MRTFA: variants seen among roughly 807,000 people sequenced by gnomAD.
The protein encoded by MRTFA is myocardin-related transcription factor A.
In MRTFA, 20 loss-of-function variants were observed where a neutral mutation model predicts 83.5. The observed-to-expected ratio is 0.24, with a 90% CI of 0.17 to 0.35. The LOEUF (loss-of-function observed/expected upper bound fraction) is 0.35, where lower values mean the gene tolerates loss of function less well. Ranked by LOEUF, MRTFA falls within the 10% of genes least tolerant of loss-of-function variation. The probability of loss-of-function intolerance (pLI) is 1.00; values close to 1 mark genes in which losing one functional copy is unlikely to be tolerated. For missense variants in MRTFA, 1,200 were observed against 1,224.7 expected, an observed-to-expected ratio of 0.98 and a Z score of 0.30; for synonymous variants, 659 against 541.2, an observed-to-expected ratio of 1.22 and a Z score of -3.02.
At chr22:40,620,204 C>G (rs2056505098) in intron 1 of MRTFA, among the ~76,000 whole-genome samples, 1 of 151,202 alleles carries the variant, frequency 6.6e-6, no homozygotes, top group Admixed American at 6.6e-5. Context: ...CAGCTCACCA[C>G]AACCTCCACC....
intron 3 of MRTFA, among the ~76,000 whole-genome samples, chr22:40,511,319 G>T (rs1209742615): frequency 6.6e-6 from 1 of 152,158 alleles, no homozygotes; most frequent in Non-Finnish European, 1.5e-5. Flanking sequence ...TCTGGCTAGG[G>T]CAACTGGCAC....
Position 40,496,090 on chromosome 22 carries a change from T to C in MRTFA, c.242-32804A>G, listed in dbSNP as rs573998217. Among the ~76,000 whole-genome samples, 26 of 151,184 alleles carry C rather than the reference T, an allele frequency of 1.7e-4. No individual in the cohort carries two copies. In the South Asian group the frequency reaches 5.4e-3, roughly 32 times the overall value. ...CAGAAAAAAAAAAATAAATTAATAA[T>C]AATAATAATAATAATAAGGCTCTAC... On this transcript the variant is annotated intron_variant, in intron 3 of 14. Coordinates refer to ENST00000355630, the MANE Select transcript of MRTFA (RefSeq NM_020831.6).
At chr22:40,444,332 A>G (rs1314875232) in intron 4 of MRTFA, among the ~76,000 whole-genome samples, 1 of 152,164 alleles carries the variant, frequency 6.6e-6, no homozygotes, top group Non-Finnish European at 1.5e-5. Context: ...AAAAAATCTA[A>G]CATTGTGTCA....
chr22:40,509,462 A>G (rs540872478), intron 3 of MRTFA, among the ~76,000 whole-genome samples: 1 of 152,348 alleles, frequency 6.6e-6, no homozygotes, highest in African/African-American at 2.4e-5. Context: ...TTCTCCCCAT[A>G]GCCGAAAGAG....
intron 3 of MRTFA, among the ~76,000 whole-genome samples, chr22:40,510,267 G>A (rs902835758): frequency 6.6e-6 from 1 of 152,016 alleles, no homozygotes; most frequent in Non-Finnish European, 1.5e-5. Flanking sequence ...AGCAAATCAT[G>A]ATTCAGGATT....
rs2052530804 is a variant in MRTFA at position 40,411,394 on chromosome 22, A to C, written c.3092T>G (p.Leu1031Trp). The C allele has an allele frequency of 6.4e-7, 1 of 1,553,268 alleles. No homozygotes were observed. The highest frequency in any genetic ancestry group is 8.8e-7 in the Non-Finnish European group (1 of 1,141,666). Reference sequence around the variant, plus strand: ...ACCCCGTCTTGAGCCAGAGAGCTACAAGCAGGAATCCCAGTGCAGCTGCAA... The same window carrying C: ...ACCCCGTCTTGAGCCAGAGAGCTACCAGCAGGAATCCCAGTGCAGCTGCAA... The change falls in exon 15 of 15, where the codon TTG becomes TGG. Residue 1031 changes from leucine to tryptophan, a missense_variant. Physicochemically the swap from Leu to Trp is moderately conservative, Grantham distance 61. Coordinates refer to ENST00000355630, the MANE Select transcript of MRTFA (RefSeq NM_020831.6).
At chr22:40,480,348 C>T (rs1325680210) in intron 3 of MRTFA, among the ~76,000 whole-genome samples, 1 of 151,878 alleles carries the variant, frequency 6.6e-6, no homozygotes, top group Non-Finnish European at 1.5e-5. Flanking sequence ...TCCTGGCCTC[C>T]AGTTATCCTC....
chr22:40,464,881 T>C (rs1418693216), intron 3 of MRTFA, among the ~76,000 whole-genome samples: 3 of 152,176 alleles, frequency 2.0e-5, no homozygotes, highest in Admixed American at 6.5e-5. Context: ...CAACTTCAAC[T>C]CTACCTCCTC....
chr22:40,531,830 A>T (rs2055087183), intron 3 of MRTFA, among the ~76,000 whole-genome samples: 1 of 152,216 alleles, frequency 6.6e-6, no homozygotes, highest in Non-Finnish European at 1.5e-5. Context: ...ACAGCACTTC[A>T]GAACAAAACA....
chr22:40,581,748 C>T (rs762165292), intron 2 of MRTFA, among the ~76,000 whole-genome samples: 2 of 152,032 alleles, frequency 1.3e-5, no homozygotes, highest in Non-Finnish European at 2.9e-5. Context: ...GTTTTCTTTG[C>T]AATTATGATT....
chr22:40,626,642 C>T (rs2056585166), intron 1 of MRTFA, among the ~76,000 whole-genome samples: 1 of 152,106 alleles, frequency 6.6e-6, no homozygotes, highest in South Asian at 2.1e-4. Flanking sequence ...ACAATATATA[C>T]ACATATATAT....
intron 2 of MRTFA, among the ~76,000 whole-genome samples, chr22:40,559,036 C>G (rs1265259453): frequency 6.6e-6 from 1 of 152,122 alleles, no homozygotes; most frequent in African/African-American, 2.4e-5. Context: ...CCTGCCCCAG[C>G]CTCCCAAAGT....
At chr22:40,485,395 GC>G (rs1443349832) in intron 3 of MRTFA, among the ~76,000 whole-genome samples, 1 of 152,132 alleles carries the variant, frequency 6.6e-6, no homozygotes, top group Non-Finnish European at 1.5e-5. Flanking sequence ...CATGAAAACA[GC>G]CTGAACTGTG....
At position 40,588,027 on chromosome 22, in the gene MRTFA, A is replaced by ATT. The variant is rs771409551; in HGVS notation, c.-22+6645_-22+6646dup. ...GAAGGTGAGAAGGCCACACTCCAACATTTTTTTTTTTTTTTTTTGGAGACA... is the reference window on the plus strand; with the variant it reads ...GAAGGTGAGAAGGCCACACTCCAACATTTTTTTTTTTTTTTTTTTTGGAGACA... On this transcript the variant is annotated intron_variant, in intron 2 of 14. Transcript: ENST00000355630. The ATT allele has an allele frequency of 6.2e-4, 89 of 143,800 alleles. No homozygotes were observed. The Middle Eastern group carries it at 0.01, about 16-fold the overall frequency. 8.9% of individuals were successfully genotyped at this position (143,800 alleles called of 1,614,324 possible). A position where few individuals can be genotyped will look rare whatever the true frequency, so the allele number is the denominator to read the frequency against.
chr22:40,457,628 G>GA lies in MRTFA; in HGVS notation c.307+5592dup, dbSNP rs567403779. Among the ~76,000 whole-genome samples, 61 of 152,028 alleles carry GA rather than the reference G, an allele frequency of 4.0e-4. No individual in the cohort carries two copies. The South Asian group carries it at 5.8e-3, about 14-fold the overall frequency. ...GGTGCACAGGAACATCATTAGAAAT[G>GA]AAAAAAACAAGCTCTGTCAAGAAGA... On this transcript the variant is annotated intron_variant, in intron 4 of 14. Transcript: ENST00000355630.
intron 3 of MRTFA, chr22:40,533,491 T>TA (rs2055117215): frequency 5.0e-6 from 3 of 603,896 alleles, no homozygotes; most frequent in Non-Finnish European, 7.2e-6. Context: ...TGTCCACTCC[T>TA]AGTACAAATA....
intron 3 of MRTFA, among the ~76,000 whole-genome samples, chr22:40,498,826 T>TA (rs1253135439): frequency 1.3e-5 from 2 of 152,176 alleles, no homozygotes; most frequent in Non-Finnish European, 2.9e-5. Context: ...TTTTAGCTCT[T>TA]ATCACCTGTT....
intron 3 of MRTFA, among the ~76,000 whole-genome samples, chr22:40,476,851 T>A (rs1031936463): frequency 6.6e-6 from 1 of 152,058 alleles, no homozygotes; most frequent in African/African-American, 2.4e-5. Flanking sequence ...GCCAAAAACA[T>A]CTCTCTGGCT....
chr22:40,441,716 G>A (rs2053278337), intron 4 of MRTFA, among the ~76,000 whole-genome samples: 1 of 151,970 alleles, frequency 6.6e-6, no homozygotes. Context: ...AAACCTGGGA[G>A]GCGAAGGTTG....
Sources: gnomAD v4.1 joint callset for allele counts (sites outside exome capture counted in the v4.1 genomes callset) on GRCh38, gnomAD v4.1.1 for gene constraint, MANE v1.5 for transcripts, NCBI Gene and HGNC (gene_info 2026-07-23, HGNC 2026-07-21) for gene names.